The following SCARA3 variants were observed in gnomAD, a reference collection of about 807,000 sequenced individuals.
SCARA3 encodes the protein cellular stress response gene protein.
In SCARA3, 39 loss-of-function variants were observed where a neutral mutation model predicts 47.0. That is an observed-to-expected ratio of 0.83 (90% CI 0.64 to 1.08). The LOEUF (loss-of-function observed/expected upper bound fraction) is 1.08. Among genes scored for constraint, SCARA3 ranks in the 50% least tolerant of loss-of-function variants. The pLI, the probability that SCARA3 is intolerant of heterozygous loss-of-function variation, is 0.00. For missense variants in SCARA3, 724 were observed against 792.3 expected, an observed-to-expected ratio of 0.91 and a Z score of 1.04; for synonymous variants, 356 against 334.1, an observed-to-expected ratio of 1.07 and a Z score of -0.71.
chr8:27,668,066 G>A (rs1015077934), intron 5 of SCARA3, among the ~76,000 whole-genome samples: 2 of 152,210 alleles, frequency 1.3e-5, no homozygotes, highest in African/African-American at 4.8e-5. Flanking sequence ...CAGCTCCTGG[G>A]CAATGAAGGG....
Position 27,672,556 on chromosome 8 carries a change from T to C in SCARA3, c.*1205T>C. ...CCTGATCACAGCTGCATGCCGACCT[T>C]GTCCCACCGGGACCCACAATGGCCC... On this transcript the variant is annotated 3_prime_UTR_variant, in exon 6 of 6. Coordinates refer to ENST00000301904, the MANE Select transcript of SCARA3 (RefSeq NM_016240.3). 1.0e-6 allele frequency: 1 copy of C among 985,706 alleles called. No homozygotes were observed. The highest frequency in any genetic ancestry group is 1.2e-6 in the Non-Finnish European group (1 of 830,168). The allele number at this position is 985,706 out of a possible 1,614,324, so 61.1% of individuals were successfully genotyped here.
At chr8:27,730,697 C>T in the SCARA3 span, among the ~76,000 whole-genome samples, 1 of 151,734 alleles carries the variant, frequency 6.6e-6, no homozygotes, top group Non-Finnish European at 1.5e-5. Flanking sequence ...GCCACGTTGC[C>T]CAGGCTGGTC....
chr8:27,711,460 T>G, the SCARA3 span, among the ~76,000 whole-genome samples: 1 of 152,196 alleles, frequency 6.6e-6, no homozygotes, highest in African/African-American at 2.4e-5. Flanking sequence ...CTCAGTAGTC[T>G]TCCATAGTTC....
intron 3 of SCARA3, among the ~76,000 whole-genome samples, chr8:27,652,277 C>G (rs1427364180): frequency 6.6e-6 from 1 of 152,188 alleles, no homozygotes; most frequent in Non-Finnish European, 1.5e-5. Flanking sequence ...CAGCACACAG[C>G]CAGAGGCAAG....
chr8:27,711,783 CAAAA>C, the SCARA3 span, among the ~76,000 whole-genome samples: 1 of 151,966 alleles, frequency 6.6e-6, no homozygotes, highest in East Asian at 1.9e-4. Flanking sequence ...AAATTCACAG[CAAAA>C]TTTAGAGGAA....
intron 1 of SCARA3, 138 bp from the exon 2 acceptor site, chr8:27,649,559 TGCAGC>T: frequency 2.7e-6 from 2 of 744,606 alleles, no homozygotes; most frequent in Admixed American, 4.4e-5. Flanking sequence ...GCTCCCTTTT[TGCAGC>T]TTACATCAGG....
At chr8:27,707,168 G>A in the SCARA3 span, among the ~76,000 whole-genome samples, 1 of 152,042 alleles carries the variant, frequency 6.6e-6, no homozygotes. Context: ...CCTGCTGATG[G>A]GCATCTTTCC....
chr8:27,720,749 C>T, the SCARA3 span, among the ~76,000 whole-genome samples: 1 of 151,964 alleles, frequency 6.6e-6, no homozygotes, highest in Non-Finnish European at 1.5e-5. Context: ...CTCGTCCATC[C>T]ATTCATCCAC....
chr8:27,660,814 T>G (rs1801892585), intron 5 of SCARA3, among the ~76,000 whole-genome samples: 4 of 147,258 alleles, frequency 2.7e-5, no homozygotes, highest in Admixed American at 1.4e-4. Context: ...AGATAGAAAA[T>G]AGATATAGAT....
chr8:27,694,339 T>C, the SCARA3 span, among the ~76,000 whole-genome samples: 5 of 152,148 alleles, frequency 3.3e-5, no homozygotes, highest in African/African-American at 1.2e-4. Context: ...GCCTTATTCT[T>C]CCAACTTCAT....
chr8:27,659,249 T>A lies in SCARA3; in HGVS notation c.1079T>A (p.Ile360Asn), dbSNP rs1249459566. ...MASHEIEIGT[I>N]FTNINATDNH... ...TCTCACGAGATTGAAATTGGCACCA[T>A]CTTCACCAACATCAATGCCACCGAC... Residue 360 changes from isoleucine to asparagine, a missense_variant, in exon 5 of 6, where the codon ATC becomes AAC. By Grantham distance (149) the Ile-to-Asn change is moderately radical. Transcript: ENST00000301904. The A allele has an allele frequency of 6.2e-7, 1 of 1,613,996 alleles. No individual in the cohort carries two copies. Among genetic ancestry groups the A allele is most frequent in the Non-Finnish European group, 8.5e-7 (1 of 1,180,032 alleles).
chr8:27,680,966 G>C (rs1802346428), downstream of SCARA3, among the ~76,000 whole-genome samples: 1 of 152,124 alleles, frequency 6.6e-6, no homozygotes, highest in Non-Finnish European at 1.5e-5. Flanking sequence ...AAAATTCTCA[G>C]CAGACTAGGA....
chr8:27,704,999 C>T, the SCARA3 span, among the ~76,000 whole-genome samples: 1 of 152,160 alleles, frequency 6.6e-6, no homozygotes, highest in African/African-American at 2.4e-5. Flanking sequence ...CCCAACTTCT[C>T]CCCAGGAGGG....
At chr8:27,667,830 G>A (rs964928612) in intron 5 of SCARA3, among the ~76,000 whole-genome samples, 2 of 152,118 alleles carry the variant, frequency 1.3e-5, no homozygotes, top group East Asian at 1.9e-4. Flanking sequence ...GGCTTCTGTC[G>A]GCACCACAGG....
chr8:27,707,610 C>T, the SCARA3 span, among the ~76,000 whole-genome samples: 2 of 151,568 alleles, frequency 1.3e-5, no homozygotes, highest in Admixed American at 6.6e-5. Context: ...AGTTCAATAA[C>T]TTACTAGCAG....
intron 3 of SCARA3, among the ~76,000 whole-genome samples, chr8:27,654,419 G>A (rs1056954017): frequency 5.5e-4 from 84 of 152,128 alleles, no homozygotes; most frequent in Non-Finnish European, 1.0e-4. Context: ...AGGAAAAATG[G>A]CTTAAAAAGC....
chr8:27,725,141 C>A, the SCARA3 span, among the ~76,000 whole-genome samples: 5 of 152,072 alleles, frequency 3.3e-5, no homozygotes, highest in Admixed American at 1.3e-4. Flanking sequence ...GAGAGAAAGA[C>A]CCTGTCTCTA....
At chr8:27,698,040 A>C in the SCARA3 span, among the ~76,000 whole-genome samples, 1 of 152,258 alleles carries the variant, frequency 6.6e-6, no homozygotes, top group Non-Finnish European at 1.5e-5. Flanking sequence ...AAAAGAAAAT[A>C]CTGTTAACAA....
In SCARA3 at chr8:27,672,394, A is replaced by T. The variant is rs928323290; in HGVS notation, c.*1043A>T. The T allele has an allele frequency of 7.1e-6, 7 of 985,430 alleles. No homozygotes were observed. Among genetic ancestry groups the T allele is most frequent in the African/African-American group, 7.0e-5 (4 of 57,248 alleles). The allele number at this position is 985,430 out of a possible 1,614,324, so 61.0% of individuals were successfully genotyped here. A position where few individuals can be genotyped will look rare whatever the true frequency, so the allele number is the denominator to read the frequency against. Reference sequence around the variant, plus strand: ...GCAGGCCAGAAGGTTCTCTCTGCACAGCTGCCTCCCTTGCTCTCCCTGAGG... The same window carrying T: ...GCAGGCCAGAAGGTTCTCTCTGCACTGCTGCCTCCCTTGCTCTCCCTGAGG... On this transcript the variant is annotated 3_prime_UTR_variant, in exon 6 of 6. Transcript: ENST00000301904.
Sources: gnomAD v4.1 joint callset for allele counts (sites outside exome capture counted in the v4.1 genomes callset) on GRCh38, gnomAD v4.1.1 for gene constraint, MANE v1.5 for transcripts, NCBI Gene and HGNC (gene_info 2026-07-23, HGNC 2026-07-21) for gene names.